Variants in RPS6KA2 observed in about 807,000 individuals in gnomAD.
RPS6KA2 encodes ribosomal protein S6 kinase alpha-2.
Under a neutral mutation model 91.8 loss-of-function variants are expected in RPS6KA2, and 42 were observed. The ratio of observed to expected loss-of-function variants is 0.46; its 90% CI spans 0.36 to 0.59. The LOEUF (loss-of-function observed/expected upper bound fraction) is 0.59. RPS6KA2 is among the 20% of genes least tolerant of loss of function. The probability of loss-of-function intolerance (pLI) is 0.00; values close to 1 mark genes in which losing one functional copy is unlikely to be tolerated. For synonymous variants in RPS6KA2, 414 were observed against 393.6 expected (o/e 1.05, Z -0.61); for missense variants, 798 against 978.5 (o/e 0.82, Z 2.46).
intron 13 of RPS6KA2, among the ~76,000 whole-genome samples, chr6:166,450,752 G>C (rs916915529): frequency 6.6e-6 from 1 of 151,492 alleles, no homozygotes; most frequent in Non-Finnish European, 1.5e-5. Context: ...CACCACCATG[G>C]GGACCACCAC....
At chr6:166,704,019 AT>A (rs1562392135) in intron 2 of RPS6KA2, among the ~76,000 whole-genome samples, 1 of 152,226 alleles carries the variant, frequency 6.6e-6, no homozygotes, top group Non-Finnish European at 1.5e-5. Flanking sequence ...TATTATTTTC[AT>A]TTAAAAGAAG....
intron 1 of RPS6KA2, among the ~76,000 whole-genome samples, chr6:166,558,140 T>C (rs1562578268): frequency 1.3e-5 from 2 of 149,366 alleles, no homozygotes; most frequent in Non-Finnish European, 3.0e-5. Flanking sequence ...ATTACATCTA[T>C]GTATGTGGGG....
rs1315572388 is a variant in RPS6KA2, at chr6:166,852,743, G to A, written c.123+5457C>T. On this transcript the variant is annotated intron_variant, in intron 2 of 21. Transcript: ENST00000503859. This position sits in a 1 kb window ranked among gnomAD's most constrained non-coding sequence, Gnocchi z 4.1. ...GGAGCTCATCCCTGAGCGCCCACAG[G>A]CCCCTGGATGTCCCTGTAAGGAGGC... is the stretch of plus-strand genomic sequence containing the variant. Among the ~76,000 whole-genome samples, 4 of 152,090 alleles carry A rather than the reference G, an allele frequency of 2.6e-5. No homozygotes were observed. Among genetic ancestry groups the A allele is most frequent in the African/African-American group, 7.2e-5 (3 of 41,430 alleles).
intron 1 of RPS6KA2, among the ~76,000 whole-genome samples, chr6:166,624,337 C>G (rs144147465): frequency 1.7e-3 from 264 of 152,306 alleles, no homozygotes; most frequent in African/African-American, 6.2e-3. Flanking sequence ...CTCATTCATC[C>G]ACACAGAGGA....
chr6:166,772,865 C>G (rs2072637), intron 2 of RPS6KA2, among the ~76,000 whole-genome samples: 45,090 of 152,106 alleles, frequency 0.3, 7,043 homozygotes, highest in Admixed American at 0.36. Context: ...TTCCTGGACT[C>G]TCTTCTTTGC....
intron 2 of RPS6KA2, among the ~76,000 whole-genome samples, chr6:166,637,984 G>A (rs543096080): frequency 2.1e-4 from 32 of 152,240 alleles, no homozygotes; most frequent in African/African-American, 7.2e-4. Flanking sequence ...GCAGGGGGCC[G>A]GGAGCGTGGG....
rs1247349898 is a variant in RPS6KA2, at chr6:166,612,439, C to CTA, written c.99+14480_99+14481dup. ...TGCACCCCTGGGTCACCTGGCAAAG[C>CTA]TATAACACACGGTGGCTCCTGCAGA... is the stretch of plus-strand genomic sequence containing the variant. On this transcript the variant is annotated intron_variant, in intron 1 of 20. Coordinates refer to ENST00000265678, the MANE Select transcript of RPS6KA2 (RefSeq NM_021135.6). This position sits in a 1 kb window ranked among gnomAD's most constrained non-coding sequence, Gnocchi z 4.3. Among the ~76,000 whole-genome samples, 10 of 152,290 alleles carry CTA rather than the reference C, an allele frequency of 6.6e-5. No homozygotes were observed. The South Asian group carries it at 2.1e-3, about 32-fold the overall frequency.
At chr6:166,846,860 A>G (rs1172186206) in intron 2 of RPS6KA2, among the ~76,000 whole-genome samples, 1 of 152,198 alleles carries the variant, frequency 6.6e-6, no homozygotes, top group African/African-American at 2.4e-5. Context: ...TCCTAGCCAG[A>G]ACAATCACAC....
rs1780190452 is a variant in RPS6KA2 at position 166,459,036 on chromosome 6, G to GT, written c.1075+412dup. Among the ~76,000 whole-genome samples the GT allele has an allele frequency of 6.6e-6, 1 of 152,158 alleles. No individual in the cohort carries two copies. The highest frequency in any genetic ancestry group is 2.1e-4 in the South Asian group (1 of 4,832). On this transcript the variant is annotated intron_variant, in intron 12 of 20. Coordinates refer to ENST00000265678, the MANE Select transcript of RPS6KA2 (RefSeq NM_021135.6). The surrounding 1 kb of genome is among the most constrained non-coding windows in gnomAD (Gnocchi z 4.9). ...GATACTACTTTTCAAATGGGTTTCT[G>GT]TTTTTTGCATGAATAATATCTATAG...
rs1009244767 is a variant in RPS6KA2, at chr6:166,762,693, G to A, written c.123+95507C>T. Reference sequence around the variant, plus strand: ...CAGGTAAATAAATCAACAGCTCCACGGAGAAAGAATAGCACCTTCCCATCC... The same window carrying A: ...CAGGTAAATAAATCAACAGCTCCACAGAGAAAGAATAGCACCTTCCCATCC... On this transcript the variant is annotated intron_variant, in intron 2 of 21. Coordinates refer to the RPS6KA2 transcript ENST00000503859. Among the ~76,000 whole-genome samples, 43 of 152,192 alleles carry A rather than the reference G, an allele frequency of 2.8e-4. 1 individual carries two copies. The highest frequency in any genetic ancestry group is 8.9e-4 in the African/African-American group (37 of 41,506).
At chr6:166,596,580 C>A (rs923172111) in intron 1 of RPS6KA2, among the ~76,000 whole-genome samples, 1 of 152,160 alleles carries the variant, frequency 6.6e-6, no homozygotes, top group Non-Finnish European at 1.5e-5. Flanking sequence ...CAGGGGCTCT[C>A]GGGCCTTCGC....
At position 166,413,888 on chromosome 6, in the gene RPS6KA2, A is replaced by T. The variant is rs751920891; in HGVS notation, c.1982T>A (p.Leu661Gln). The T allele has an allele frequency of 6.2e-7, 1 of 1,614,022 alleles. No homozygotes were observed. Among genetic ancestry groups the T allele is most frequent in the Non-Finnish European group, 8.5e-7 (1 of 1,179,908 alleles). The change falls in exon 20 of 21, where the codon CTG becomes CAG. Residue 661 changes from leucine (L) to glutamine (Q), a missense_variant. By Grantham distance (113) the Leu-to-Gln change is moderately radical. Transcript: ENST00000265678. ...KMLHVDPHQRLTAMQVLKHPW... is the reference protein window; with the variant it reads ...KMLHVDPHQRQTAMQVLKHPW... Reference sequence around the variant, plus strand: ...GTGTTTGAGCACTTGCATCGCCGTCAGGCGCTGATGAGGGTCCACGTGGAG... The same window carrying T: ...GTGTTTGAGCACTTGCATCGCCGTCTGGCGCTGATGAGGGTCCACGTGGAG...
At chr6:166,713,768 G>C (rs1789934867) in intron 2 of RPS6KA2, among the ~76,000 whole-genome samples, 1 of 152,208 alleles carries the variant, frequency 6.6e-6, no homozygotes, top group South Asian at 2.1e-4. Context: ...AGCAGAGGAG[G>C]AAAGTGCTGC....
chr6:166,465,260 G>A (rs1012436199), intron 11 of RPS6KA2: 5 of 152,224 alleles, frequency 3.3e-5, no homozygotes, highest in Non-Finnish European at 5.9e-5. Context: ...CTGAGCTGCC[G>A]AAAAGCAGAA....
intron 2 of RPS6KA2, among the ~76,000 whole-genome samples, chr6:166,713,416 G>A (rs1043348786): frequency 9.2e-5 from 14 of 152,222 alleles, no homozygotes; most frequent in Admixed American, 3.9e-4. Flanking sequence ...AGAGCAGATT[G>A]TTGTGAACAG....
chr6:166,550,994 CAA>C (rs58796308), intron 1 of RPS6KA2, among the ~76,000 whole-genome samples: 10,834 of 106,362 alleles, frequency 0.1, 1,401 homozygotes, highest in African/African-American at 0.29. Flanking sequence ...GACTCTATCT[CAA>C]AAAAAAAAAA....
intron 3 of RPS6KA2, among the ~76,000 whole-genome samples, chr6:166,527,264 G>A (rs11964246): frequency 0.2 from 29,745 of 152,050 alleles, 3,097 homozygotes; most frequent in African/African-American, 0.26. Flanking sequence ...GGAGGGTGAG[G>A]CCAACTTTGA....
chr6:166,514,953 T>A (rs1239547283), intron 3 of RPS6KA2, among the ~76,000 whole-genome samples: 2 of 152,162 alleles, frequency 1.3e-5, no homozygotes, highest in African/African-American at 2.4e-5. Flanking sequence ...GCTGGGGACA[T>A]GCAGGGCTCA....
chr6:166,808,665 T>C (rs1332899273), intron 2 of RPS6KA2, among the ~76,000 whole-genome samples: 1 of 151,934 alleles, frequency 6.6e-6, no homozygotes, highest in African/African-American at 2.4e-5. Flanking sequence ...ATATTTACAC[T>C]AAAAAAAAGT....
Sources: allele counts gnomAD v4.1 joint callset (sites outside exome capture counted in the v4.1 genomes callset), GRCh38; gene constraint gnomAD v4.1.1; non-coding constraint Gnocchi (gnomAD v3.1); transcripts MANE v1.5; gene names NCBI Gene and HGNC (gene_info 2026-07-23, HGNC 2026-07-21).